Variants in RANBP9 observed in about 807,000 individuals in gnomAD.
The protein encoded by RANBP9 is RAN binding protein 9, also known as ran-binding protein 9.
In RANBP9, 15 loss-of-function variants were observed where a neutral mutation model predicts 84.3. The ratio of observed to expected loss-of-function variants is 0.18; its 90% CI spans 0.12 to 0.27. The LOEUF is 0.27. Among genes scored for constraint, RANBP9 ranks in the 10% least tolerant of loss-of-function variants. The pLI is 1.00. For missense variants in RANBP9, 809 were observed against 912.8 expected (o/e 0.89, Z 1.46); for synonymous variants, 392 against 349.6 (o/e 1.12, Z -1.35).
intron 6 of RANBP9, 149 bp downstream of exon 6, chr6:13,644,396 C>T (rs968094971): frequency 4.2e-6 from 3 of 720,822 alleles, no homozygotes; most frequent in Non-Finnish European, 6.3e-6. Context: ...GAGTAAATTA[C>T]TTTTCGTTGA....
chr6:13,623,889 A>G (rs1764528713), intron 13 of RANBP9, among the ~76,000 whole-genome samples: 1 of 152,226 alleles, frequency 6.6e-6, no homozygotes, highest in African/African-American at 2.4e-5. Flanking sequence ...GGTGCTCAAC[A>G]ATTAAATTCC....
chr6:13,681,387 T>C (rs1360546635), intron 2 of RANBP9, among the ~76,000 whole-genome samples: 2 of 152,110 alleles, frequency 1.3e-5, no homozygotes, highest in Non-Finnish European at 2.9e-5. Context: ...GAAAAAAATG[T>C]ATTTTACTGC....
chr6:13,630,418 C>G (rs888942574), intron 12 of RANBP9, among the ~76,000 whole-genome samples: 2 of 151,558 alleles, frequency 1.3e-5, no homozygotes, highest in African/African-American at 4.9e-5. Context: ...GGAGTATAAT[C>G]TTAAATTTTC....
intron 12 of RANBP9, among the ~76,000 whole-genome samples, chr6:13,629,093 C>G (rs1028457915): frequency 6.6e-6 from 1 of 150,598 alleles, no homozygotes; most frequent in African/African-American, 2.4e-5. Context: ...ACCTATACAG[C>G]AACAATAAAA....
intron 2 of RANBP9, among the ~76,000 whole-genome samples, chr6:13,683,515 A>T (rs1209343006): frequency 6.6e-6 from 1 of 151,980 alleles, no homozygotes; most frequent in African/African-American, 2.4e-5. Flanking sequence ...CATGAGAATA[A>T]TTTTTTTTAA....
chr6:13,645,796 G>A (rs953383268), intron 5 of RANBP9, among the ~76,000 whole-genome samples: 1 of 151,936 alleles, frequency 6.6e-6, no homozygotes, highest in Non-Finnish European at 1.5e-5. Context: ...GTATTTTTCA[G>A]TACAAAACAA....
At position 13,639,683 on chromosome 6, in the gene RANBP9, T is replaced by C; in HGVS notation, c.1405A>G (p.Lys469Glu). 1 of 1,613,896 alleles carries C rather than the reference T, an allele frequency of 6.2e-7. No individual in the cohort carries two copies. The highest frequency in any genetic ancestry group is 8.5e-7 in the Non-Finnish European group (1 of 1,179,766). ...EVRCLGGRSP[K>E]SQDSYPVSPR... is the part of the protein sequence containing the mutation. ...CTAACAGGATAACTGTCTTGAGACTTTGGACTTCGGCCTCCCAAACATCGT... is the reference window on the plus strand; with the variant it reads ...CTAACAGGATAACTGTCTTGAGACTCTGGACTTCGGCCTCCCAAACATCGT... Residue 469 changes from lysine to glutamate, a missense_variant, in exon 9 of 14, where the codon AAG becomes GAG. This residue lies in a region of RANBP9 where 216 missense variants were observed against 329.0 expected (regional missense o/e 0.66). Coordinates refer to ENST00000011619, the MANE Select transcript of RANBP9 (RefSeq NM_005493.3).
chr6:13,659,257 T>TACATACACAC (rs759705290), intron 2 of RANBP9, among the ~76,000 whole-genome samples: 284 of 130,668 alleles, frequency 2.2e-3, no homozygotes, highest in African/African-American at 7.3e-3. Flanking sequence ...CACACACACA[T>TACATACACAC]ACACACACAC....
At chr6:13,661,294 A>G (rs866489125) in intron 2 of RANBP9, among the ~76,000 whole-genome samples, 3 of 152,346 alleles carry the variant, frequency 2.0e-5, no homozygotes, top group Admixed American at 6.5e-5. Context: ...AGAACCCGGA[A>G]ACTCTAATAC....
chr6:13,643,326 C>T (rs944439751), intron 6 of RANBP9, among the ~76,000 whole-genome samples: 18 of 152,136 alleles, frequency 1.2e-4, no homozygotes, highest in African/African-American at 4.3e-4. Context: ...GTTAGAAAAA[C>T]TGGTGATGCA....
Position 13,642,600 on chromosome 6 carries a change from A to G in RANBP9, c.1113-9T>C, listed in dbSNP as rs1375030464. Reference sequence around the variant, plus strand: ...AATAAGATGAAACCATTCTTAAAATAAAAAGAAGAAACATACATCTTTTAG... The same window carrying G: ...AATAAGATGAAACCATTCTTAAAATGAAAAGAAGAAACATACATCTTTTAG... On this transcript the variant is annotated splice_polypyrimidine_tract_variant and intron_variant, in intron 6 of 13. Transcript: ENST00000011619. 6.5e-7 allele frequency: 1 copy of G among 1,540,774 alleles called. No homozygotes were observed.
At chr6:13,640,949 A>G (rs2127765003) in intron 8 of RANBP9, among the ~76,000 whole-genome samples, 1 of 152,314 alleles carries the variant, frequency 6.6e-6, no homozygotes, top group South Asian at 2.1e-4. Flanking sequence ...CTTCTAAATA[A>G]GATTTTCACA....
chr6:13,639,838 A>G (rs1765022815), intron 8 of RANBP9, 85 bp from the exon 9 acceptor site: 1 of 1,196,494 alleles, frequency 8.4e-7, no homozygotes, highest in Non-Finnish European at 1.2e-6. Flanking sequence ...AAATATTTTT[A>G]AAACTTTGAT....
chr6:13,662,852 C>T (rs1483517097), intron 2 of RANBP9, among the ~76,000 whole-genome samples: 1 of 151,996 alleles, frequency 6.6e-6, no homozygotes, highest in Non-Finnish European at 1.5e-5. Flanking sequence ...TACTGATGTA[C>T]TTAATGGCAG....
intron 5 of RANBP9, among the ~76,000 whole-genome samples, chr6:13,648,926 C>T (rs1344162764): frequency 6.6e-6 from 1 of 152,140 alleles, no homozygotes; most frequent in African/African-American, 2.4e-5. Flanking sequence ...ATTAGTTATA[C>T]TTAATGTCAT....
rs202176192 is a variant in RANBP9 at position 13,663,670 on chromosome 6, TAAAA to T, written c.684-4842_684-4839del. Among the ~76,000 whole-genome samples the T allele has an allele frequency of 2.7e-3, 411 of 151,962 alleles. 1 individual carries two copies. In the Middle Eastern group the frequency reaches 0.027, roughly 10 times the overall value. On this transcript the variant is annotated intron_variant, in intron 2 of 13. Coordinates refer to ENST00000011619, the MANE Select transcript of RANBP9 (RefSeq NM_005493.3). ...TAGCAGAGACATAAAGGTCAGTAAA[TAAAA>T]AGAAATTCTAATAATGTATCAAAAC...
chr6:13,679,671 A>G (rs1461482546), intron 2 of RANBP9, among the ~76,000 whole-genome samples: 1 of 152,190 alleles, frequency 6.6e-6, no homozygotes, highest in African/African-American at 2.4e-5. Context: ...TCCCTATAAG[A>G]TTAATAAATA....
intron 2 of RANBP9, among the ~76,000 whole-genome samples, chr6:13,669,710 C>T (rs1765730111): frequency 6.6e-6 from 1 of 152,118 alleles, no homozygotes; most frequent in African/African-American, 2.4e-5. Flanking sequence ...ACACCTCAGC[C>T]CCCGAGTAGC....
intron 13 of RANBP9, among the ~76,000 whole-genome samples, chr6:13,624,387 A>AG (rs1689619513): frequency 6.6e-6 from 1 of 152,154 alleles, no homozygotes; most frequent in Admixed American, 6.5e-5. Context: ...TTCCTAAACT[A>AG]GTTTGAAATA....
Sources: allele counts gnomAD v4.1 joint callset (sites outside exome capture counted in the v4.1 genomes callset), GRCh38; gene constraint gnomAD v4.1.1; regional missense constraint gnomAD v4.1.1; transcripts MANE v1.5; gene names NCBI Gene and HGNC (gene_info 2026-07-23, HGNC 2026-07-21).